Variants in FOXP1 observed in about 807,000 individuals in gnomAD.
FOXP1 encodes the protein forkhead box protein P1.
Under a neutral mutation model 98.2 loss-of-function variants are expected in FOXP1, and 15 were observed. That is an observed-to-expected ratio of 0.15 (90% CI 0.10 to 0.24). The LOEUF is 0.24. FOXP1 is among the 10% of genes least tolerant of loss of function. FOXP1 has a pLI of 1.00. For synonymous variants in FOXP1, 371 were observed against 314.5 expected (o/e 1.18, Z -1.90); for missense variants, 633 against 848.5 (o/e 0.75, Z 3.15).
chr3:71,395,363 CT>C (rs753275365), intron 3 of FOXP1, among the ~76,000 whole-genome samples: 1 of 148,172 alleles, frequency 6.7e-6, no homozygotes, highest in South Asian at 2.2e-4. Flanking sequence ...TCTTGTATGC[CT>C]TTTTTCTGTT....
intron 3 of FOXP1, among the ~76,000 whole-genome samples, chr3:71,369,496 G>A (rs1437936740): frequency 2.0e-5 from 3 of 152,328 alleles, no homozygotes; most frequent in East Asian, 3.9e-4. Context: ...CTGGGTTCAA[G>A]CGATTCTCCT....
chr3:71,510,874 A>T (rs989098001), intron 2 of FOXP1, among the ~76,000 whole-genome samples: 2 of 152,230 alleles, frequency 1.3e-5, no homozygotes, highest in Admixed American at 1.3e-4. Context: ...CAATTTTTTT[A>T]AAACTGAGTT....
chr3:71,282,067 C>T lies in FOXP1; in HGVS notation c.-12+17753G>A, dbSNP rs571921896. ...GAGGGTGCAGTGAGCTGAGATTGTG[C>T]CACTGCACTCCAGCCTCGGTGACAG... On this transcript the variant is annotated intron_variant, in intron 5 of 20. Coordinates refer to ENST00000649528, the MANE Select transcript of FOXP1 (RefSeq NM_001349338.3). Among the ~76,000 whole-genome samples the T allele has an allele frequency of 2.0e-5, 3 of 152,010 alleles. No homozygotes were observed. The South Asian group carries it at 6.3e-4, about 32-fold the overall frequency.
Position 71,208,536 on chromosome 3 carries a change from T to TTCTGTGTGTGTGTGTGTGTG in FOXP1, c.-11-10145_-11-10144insCACACACACACACACACAGA, listed in dbSNP as rs10529764. 3.9e-3 allele frequency among the ~76,000 whole-genome samples: 584 copies of TTCTGTGTGTGTGTGTGTGTG among 149,446 alleles called. 5 individuals are homozygous for TTCTGTGTGTGTGTGTGTGTG. Among genetic ancestry groups the TTCTGTGTGTGTGTGTGTGTG allele is most frequent in the African/African-American group, 0.013 (526 of 40,356 alleles). ...TTTATCAAAATTCTAGCATTTAAGT[T>TTCTGTGTGTGTGTGTGTGTG]TGTGTGTGTGTGTGTGTGTGTGTGT... On this transcript the variant is annotated intron_variant, in intron 5 of 20. Coordinates refer to ENST00000649528, the MANE Select transcript of FOXP1 (RefSeq NM_001349338.3).
intron 3 of FOXP1, among the ~76,000 whole-genome samples, chr3:71,383,959 T>G (rs2080373023): frequency 6.6e-6 from 1 of 152,174 alleles, no homozygotes; most frequent in Non-Finnish European, 1.5e-5. Flanking sequence ...GGCTCACGCC[T>G]GTAATCCCAG....
rs2048365875 is a variant in FOXP1 at position 71,583,586 on chromosome 3, T to A, written c.-462A>T. ...ACAAACTCACCCGCTGCAAATGGTCTCTCGGTGCAAACTAAGGTGTTTTCG... is the reference window on the plus strand; with the variant it reads ...ACAAACTCACCCGCTGCAAATGGTCACTCGGTGCAAACTAAGGTGTTTTCG... On this transcript the variant is annotated 5_prime_UTR_variant, in exon 1 of 21. Coordinates refer to ENST00000649528, the MANE Select transcript of FOXP1 (RefSeq NM_001349338.3). 1.0e-6 allele frequency: 1 copy of A among 983,722 alleles called. No individual in the cohort carries two copies. Among genetic ancestry groups the A allele is most frequent in the African/African-American group, 1.8e-5 (1 of 56,714 alleles). The allele number at this position is 983,722 out of a possible 1,614,324, so 60.9% of individuals were successfully genotyped here.
chr3:71,495,358 T>G (rs1432862271), intron 2 of FOXP1, among the ~76,000 whole-genome samples: 1 of 152,280 alleles, frequency 6.6e-6, no homozygotes, highest in East Asian at 1.9e-4. Context: ...CTGATCTATT[T>G]GCTCATTTGT....
intron 4 of FOXP1, among the ~76,000 whole-genome samples, chr3:71,351,767 A>G (rs2077798346): frequency 6.6e-6 from 1 of 152,252 alleles, no homozygotes; most frequent in Non-Finnish European, 1.5e-5. Context: ...ATTGAGCAGA[A>G]CAAATCAATT....
Position 71,567,917 on chromosome 3 carries a change from G to A in FOXP1, c.-298+13632C>T, listed in dbSNP as rs1044070655. 7 of 151,062 alleles carry A rather than the reference G, an allele frequency of 4.6e-5. No individual in the cohort carries two copies. The East Asian group carries it at 1.2e-3, about 25-fold the overall frequency. 9.4% of individuals were successfully genotyped at this position (151,062 alleles called of 1,614,324 possible). A position where few individuals can be genotyped will look rare whatever the true frequency, so the allele number is the denominator to read the frequency against. ...GGCAGGGAAGGTGACTGAGATGGAAGATACAGTCAAAATGGTAAAATCCTG... is the reference window on the plus strand; with the variant it reads ...GGCAGGGAAGGTGACTGAGATGGAAAATACAGTCAAAATGGTAAAATCCTG... On this transcript the variant is annotated intron_variant, in intron 2 of 20. Coordinates refer to ENST00000649528, the MANE Select transcript of FOXP1 (RefSeq NM_001349338.3).
chr3:71,060,289 T>C (rs887215689), intron 7 of FOXP1, among the ~76,000 whole-genome samples: 1 of 152,154 alleles, frequency 6.6e-6, no homozygotes, highest in Non-Finnish European at 1.5e-5. Context: ...TAGTTTCTCA[T>C]GCCTATTTCC....
chr3:71,346,118 G>C (rs1463788050), intron 4 of FOXP1, among the ~76,000 whole-genome samples: 2 of 152,164 alleles, frequency 1.3e-5, no homozygotes, highest in Non-Finnish European at 2.9e-5. Flanking sequence ...GGAGGGGCTA[G>C]CATGCTTATG....
chr3:71,195,472 G>A lies in FOXP1; in HGVS notation c.180+2730C>T, dbSNP rs778085838. 2.6e-5 allele frequency among the ~76,000 whole-genome samples: 4 copies of A among 152,170 alleles called. No individual in the cohort carries two copies. The East Asian group carries it at 5.8e-4, about 22-fold the overall frequency. ...TCCAACATTCAATATAACACACAGCGTAATTAACTCGTTTTTATACCAGGC... is the reference window on the plus strand; with the variant it reads ...TCCAACATTCAATATAACACACAGCATAATTAACTCGTTTTTATACCAGGC... On this transcript the variant is annotated intron_variant, in intron 6 of 20. Transcript: ENST00000649528.
chr3:71,117,737 T>C (rs545290099), intron 6 of FOXP1, among the ~76,000 whole-genome samples: 3 of 152,334 alleles, frequency 2.0e-5, no homozygotes, highest in Admixed American at 1.3e-4. Context: ...GGAGACCTTT[T>C]ACTCTTGGGT....
Position 71,129,933 on chromosome 3 carries a change from C to T in FOXP1, c.181-17296G>A, listed in dbSNP as rs1238205808. Among the ~76,000 whole-genome samples, 3 of 152,094 alleles carry T rather than the reference C, an allele frequency of 2.0e-5. No homozygotes were observed. The East Asian group carries it at 5.8e-4, about 29-fold the overall frequency. ...AGGCTTTCCCTTTCCCTCTGCAGCC[C>T]ACTCCGTTGAAACAATAGGAATATG... On this transcript the variant is annotated intron_variant, in intron 6 of 20. Coordinates refer to ENST00000649528, the MANE Select transcript of FOXP1 (RefSeq NM_001349338.3).
In FOXP1 at chr3:71,505,686, A is replaced by G. The variant is rs370432698; in HGVS notation, c.-297-12131T>C. On this transcript the variant is annotated intron_variant, in intron 2 of 20. Coordinates refer to ENST00000649528, the MANE Select transcript of FOXP1 (RefSeq NM_001349338.3). ...ATGATTTGCCTGCCTCGGCCTCCCAAAATGCTGGGATTACAGGCGTGAGCC... is the reference window on the plus strand; with the variant it reads ...ATGATTTGCCTGCCTCGGCCTCCCAGAATGCTGGGATTACAGGCGTGAGCC... Among the ~76,000 whole-genome samples, 20 of 152,136 alleles carry G rather than the reference A, an allele frequency of 1.3e-4. No homozygotes were observed. The East Asian group carries it at 3.3e-3, about 25-fold the overall frequency.
intron 2 of FOXP1, among the ~76,000 whole-genome samples, chr3:71,541,792 C>A (rs907161012): frequency 8.5e-5 from 13 of 152,148 alleles, no homozygotes; most frequent in Admixed American, 7.2e-4. Context: ...TACTGTACTG[C>A]AGAGATGCTA....
At chr3:71,343,877 C>T (rs1462057219) in intron 4 of FOXP1, among the ~76,000 whole-genome samples, 1 of 152,202 alleles carries the variant, frequency 6.6e-6, no homozygotes, top group Non-Finnish European at 1.5e-5. Flanking sequence ...AAGCCTGGAT[C>T]TACCCTGTCA....
chr3:71,164,481 G>A (rs1252328474), intron 6 of FOXP1, among the ~76,000 whole-genome samples: 3 of 152,220 alleles, frequency 2.0e-5, no homozygotes, highest in Non-Finnish European at 2.9e-5. Context: ...TTATAGGCGT[G>A]AGGCACAGCG....
chr3:71,581,820 C>T (rs887066801), intron 1 of FOXP1, 123 bp from the exon 2 acceptor site: 8 of 985,992 alleles, frequency 8.1e-6, no homozygotes, highest in Non-Finnish European at 9.6e-6. Context: ...CAGCGGGCTC[C>T]GAGGACCCGC....
Sources: gnomAD v4.1 joint callset for allele counts (sites outside exome capture counted in the v4.1 genomes callset) on GRCh38, gnomAD v4.1.1 for gene constraint, MANE v1.5 for transcripts, NCBI Gene and HGNC (gene_info 2026-07-23, HGNC 2026-07-21) for gene names.